The following SBNO2 variants were observed in gnomAD, a reference collection of about 807,000 sequenced individuals.
SBNO2 encodes strawberry notch homolog 2.
In SBNO2, 89 loss-of-function variants were observed where a neutral mutation model predicts 146.3. The observed-to-expected ratio is 0.61, with a 90% CI of 0.51 to 0.73. The LOEUF (loss-of-function observed/expected upper bound fraction) is 0.73, where lower values mean the gene tolerates loss of function less well. Ranked by LOEUF, SBNO2 falls within the 30% of genes least tolerant of loss-of-function variation. The pLI, the probability that SBNO2 is intolerant of heterozygous loss-of-function variation, is 0.00. For synonymous variants in SBNO2, 1,147 were observed against 892.6 expected, an observed-to-expected ratio of 1.29 and a Z score of -5.08; for missense variants, 2,092 against 2,003.7, an observed-to-expected ratio of 1.04 and a Z score of -0.84.
intron 5 of SBNO2, among the ~76,000 whole-genome samples, chr19:1,125,090 A>T (rs62131222): frequency 6.6e-6 from 1 of 151,642 alleles, no homozygotes; most frequent in Non-Finnish European, 1.5e-5. Flanking sequence ...AGTGGCTCAC[A>T]CCCGTAAATC....
intron 12 of SBNO2, 67 bp from the exon 13 acceptor site, chr19:1,119,688 T>G: frequency 7.2e-7 from 1 of 1,390,272 alleles, no homozygotes; most frequent in Non-Finnish European, 1.0e-6. Flanking sequence ...AGGGGACGAC[T>G]AAGTTGGGAC....
rs1264932126 is a variant in SBNO2 at position 1,157,616 on chromosome 19, C to T, written c.-126-3214G>A. The stretch of plus-strand genomic sequence containing the variant: ...GGTTCCCACCTTGGGAGGGGGCCCG[C>T]GCTTTATCAGCACGCTGACACCCAG... On this transcript the variant is annotated intron_variant, in intron 1 of 31. Coordinates refer to ENST00000361757, the MANE Select transcript of SBNO2 (RefSeq NM_014963.3). This position sits in a 1 kb window ranked among gnomAD's most constrained non-coding sequence, Gnocchi z 6.8. Among the ~76,000 whole-genome samples the T allele has an allele frequency of 6.6e-6, 1 of 152,166 alleles. No individual in the cohort carries two copies. The highest frequency in any genetic ancestry group is 6.5e-5 in the Admixed American group (1 of 15,270).
At chr19:1,127,276 G>A (rs2079975952) in intron 5 of SBNO2, among the ~76,000 whole-genome samples, 1 of 152,208 alleles carries the variant, frequency 6.6e-6, no homozygotes. Flanking sequence ...GGGTGCGGTG[G>A]ACACGGGGCA....
chr19:1,132,239 C>A (rs1365794042), intron 4 of SBNO2: 6 of 1,300,670 alleles, frequency 4.6e-6, no homozygotes, highest in Non-Finnish European at 5.9e-6. Context: ...CCGGGGCGGA[C>A]GGGGGCGGCT....
rs34903065 is a variant in SBNO2, at chr19:1,145,304, CAAAAAAA to C, written c.279+1998_279+2004del. 2.8e-4 allele frequency among the ~76,000 whole-genome samples: 29 copies of C among 102,814 alleles called. 1 individual carries two copies. The highest frequency in any genetic ancestry group is 1.5e-3 in the South Asian group (5 of 3,288). The allele number at this position is 102,814 out of a possible 152,430, so 67.4% of individuals were successfully genotyped here. A position where few individuals can be genotyped will look rare whatever the true frequency, so the allele number is the denominator to read the frequency against. On this transcript the variant is annotated intron_variant, in intron 4 of 31. Coordinates refer to ENST00000361757, the MANE Select transcript of SBNO2 (RefSeq NM_014963.3). ...CAACATGGAGAAACCCTGTCTCTACCAAAAAAAAAAAAAAAAAAATTAGCCAGGCATG... is the reference window on the plus strand; with the variant it reads ...CAACATGGAGAAACCCTGTCTCTACCAAAAAAAAAAAATTAGCCAGGCATG...
chr19:1,127,841 G>T, intron 4 of SBNO2, 76 bp from the exon 5 acceptor site: 1 of 1,409,660 alleles, frequency 7.1e-7, no homozygotes, highest in Non-Finnish European at 9.9e-7. Context: ...AGCACGTGGG[G>T]ATGGGAGACA....
rs751075868 is a variant in SBNO2, at chr19:1,108,464, G to A, written c.3857C>T (p.Pro1286Leu). ...FPAPLSLDAGPGVVPLGTPDA... is the reference protein window; with the variant it reads ...FPAPLSLDAGLGVVPLGTPDA... ...GGGGGTGCCCAGCGGCACGACGCCGGGGCCGGCGTCCAGGGACAGCGGCGC... is the reference window on the plus strand; with the variant it reads ...GGGGGTGCCCAGCGGCACGACGCCGAGGCCGGCGTCCAGGGACAGCGGCGC... Residue 1286 changes from proline (P) to leucine (L), a missense_variant, in exon 32 of 32, where the codon CCC becomes CTC. Pro to Leu is a moderately conservative substitution (Grantham distance 98, BLOSUM62 -3). Coordinates refer to ENST00000361757, the MANE Select transcript of SBNO2 (RefSeq NM_014963.3). The A allele has an allele frequency of 2.0e-4, 250 of 1,228,522 alleles. No individual in the cohort carries two copies. Among genetic ancestry groups the A allele is most frequent in the Non-Finnish European group, 2.5e-4 (241 of 981,166 alleles). The allele number at this position is 1,228,522 out of a possible 1,614,324, so 76.1% of individuals were successfully genotyped here.
At chr19:1,147,947 C>T (rs1158204523) in intron 3 of SBNO2, among the ~76,000 whole-genome samples, 1 of 152,182 alleles carries the variant, frequency 6.6e-6, no homozygotes, top group Non-Finnish European at 1.5e-5. Flanking sequence ...CTGGGGGCCC[C>T]CCGCCCAGGG....
rs2080172489 is a variant in SBNO2, at chr19:1,144,817, CAG to C, written c.279+2490_279+2491del. ...AGAGAGGGAGACAGAGAGACAGAGA[CAG>C]AGAGGGAGACAGAGAGACAGGGGCA... On this transcript the variant is annotated intron_variant, in intron 4 of 31. Coordinates refer to ENST00000361757, the MANE Select transcript of SBNO2 (RefSeq NM_014963.3). This position sits in a 1 kb window ranked among gnomAD's most constrained non-coding sequence, Gnocchi z 4.1. 5.3e-5 allele frequency among the ~76,000 whole-genome samples: 7 copies of C among 132,568 alleles called. No homozygotes were observed. Among genetic ancestry groups the C allele is most frequent in the Admixed American group, 3.7e-4 (5 of 13,472 alleles). The allele number at this position is 132,568 out of a possible 152,430, so 87.0% of individuals were successfully genotyped here.
At position 1,147,356 on chromosome 19, in the gene SBNO2, C is replaced by A; in HGVS notation, c.232G>T (p.Val78Leu). 1 of 1,475,982 alleles carries A rather than the reference C, an allele frequency of 6.8e-7. No individual in the cohort carries two copies. Among genetic ancestry groups the A allele is most frequent in the Non-Finnish European group, 9.0e-7 (1 of 1,111,068 alleles). The allele number at this position is 1,475,982 out of a possible 1,614,324, so 91.4% of individuals were successfully genotyped here. The part of the protein sequence containing the change: ...QPCPDTSYAP[V>L]ATASSLPPKT... The stretch of plus-strand genomic sequence containing the variant: ...GGTGGCAAGCTGGAGGCGGTGGCCA[C>A]GGGGGCATAGCTGGTGTCTGGGCAG... Residue 78 changes from valine to leucine, a missense_variant, in exon 4 of 32, where the codon GTG becomes TTG. Val to Leu is a conservative substitution (Grantham distance 32). Transcript: ENST00000361757.
chr19:1,108,743 G>A, intron 31 of SBNO2, 36 bp downstream of exon 31: 1 of 1,588,986 alleles, frequency 6.3e-7, no homozygotes, highest in Non-Finnish European at 8.5e-7. Flanking sequence ...GGCGCTGGGG[G>A]CTCGGGCCTT....
Position 1,157,289 on chromosome 19 carries a change from G to A in SBNO2, c.-126-2887C>T, listed in dbSNP as rs560816446. ...GATAAACCCTAGTGGGACACTGGGT[G>A]GGGTCTTGGGGCCTGAGAACACCCC... On this transcript the variant is annotated intron_variant, in intron 1 of 31. Coordinates refer to ENST00000361757, the MANE Select transcript of SBNO2 (RefSeq NM_014963.3). The surrounding 1 kb of genome is among the most constrained non-coding windows in gnomAD (Gnocchi z 6.8). Among the ~76,000 whole-genome samples, 1 of 151,980 alleles carries A rather than the reference G, an allele frequency of 6.6e-6. No homozygotes were observed. Among genetic ancestry groups the A allele is most frequent in the South Asian group, 2.1e-4 (1 of 4,812 alleles).
rs1054018684 is a variant in SBNO2, at chr19:1,165,034, G to A, written c.-127+9138C>T. On this transcript the variant is annotated intron_variant, in intron 1 of 31. Coordinates refer to ENST00000361757, the MANE Select transcript of SBNO2 (RefSeq NM_014963.3). ...GGGTCTTCCACAGGGTGTGCCCGGA[G>A]GAGGTCAAGACTCCACTGCCCTGAA... Among the ~76,000 whole-genome samples the A allele has an allele frequency of 5.9e-5, 9 of 151,910 alleles. 1 individual carries two copies. Among genetic ancestry groups the A allele is most frequent in the Non-Finnish European group, 8.8e-5 (6 of 67,908 alleles).
intron 4 of SBNO2, among the ~76,000 whole-genome samples, chr19:1,135,238 T>C (rs1333749649): frequency 2.0e-5 from 3 of 151,842 alleles, no homozygotes; most frequent in African/African-American, 4.8e-5. Flanking sequence ...GGCGGGCACC[T>C]GTGGTCCCAG....
chr19:1,162,414 C>T (rs1436319935), intron 1 of SBNO2, among the ~76,000 whole-genome samples: 1 of 149,802 alleles, frequency 6.7e-6, no homozygotes, highest in Non-Finnish European at 1.5e-5. Context: ...GAGCCGAGAT[C>T]GGGCCACTGC....
At chr19:1,167,576 CT>C (rs748391361) in intron 1 of SBNO2, among the ~76,000 whole-genome samples, 128 of 152,252 alleles carry the variant, frequency 8.4e-4, no homozygotes, top group Non-Finnish European at 2.8e-4. Flanking sequence ...CCCTCTTAGG[CT>C]TCTGACCTGA....
rs1006452534 is a variant in SBNO2 at position 1,130,393 on chromosome 19, G to A, written c.280-2628C>T. ...GCTCACGTCTGCTACTCAGGAGGCT[G>A]AGGCAGGAGGATCCGTTGAGCCCAG... On this transcript the variant is annotated intron_variant, in intron 4 of 31. Coordinates refer to ENST00000361757, the MANE Select transcript of SBNO2 (RefSeq NM_014963.3). Among the ~76,000 whole-genome samples the A allele has an allele frequency of 4.6e-5, 7 of 152,302 alleles. No homozygotes were observed. The East Asian group carries it at 7.7e-4, about 17-fold the overall frequency.
Position 1,108,769 on chromosome 19 carries a change from G to A in SBNO2, c.3616+10C>T. Reference sequence around the variant, plus strand: ...CTCGGGCCTTCCCGGGGCGCCCGCCGCCCACTCACCCACTTGCTTCTTCCT... The same window carrying A: ...CTCGGGCCTTCCCGGGGCGCCCGCCACCCACTCACCCACTTGCTTCTTCCT... On this transcript the variant is annotated intron_variant, in intron 31 of 31. Transcript: ENST00000361757. 2 of 1,599,952 alleles carry A rather than the reference G, an allele frequency of 1.3e-6. No homozygotes were observed. Among genetic ancestry groups the A allele is most frequent in the Non-Finnish European group, 1.7e-6 (2 of 1,178,234 alleles).
chr19:1,119,768 C>G lies in SBNO2; in HGVS notation c.1267+138G>C, dbSNP rs575161300. 1.3e-5 allele frequency: 12 copies of G among 941,038 alleles called. No homozygotes were observed. The African/African-American group carries it at 2.0e-4, about 15-fold the overall frequency. 58.3% of individuals were successfully genotyped at this position (941,038 alleles called of 1,614,324 possible). ...AGAGCCAGCGTGGCCTTGGGACAGG[C>G]GCAGAGGTGCCCCAGTGTCCGAGGA... On this transcript the variant is annotated intron_variant, in intron 12 of 31. Transcript: ENST00000361757.
Sources: gnomAD v4.1 joint callset for allele counts (sites outside exome capture counted in the v4.1 genomes callset) on GRCh38, gnomAD v4.1.1 for gene constraint, Gnocchi (gnomAD v3.1) non-coding constraint, MANE v1.5 for transcripts, NCBI Gene and HGNC (gene_info 2026-07-23, HGNC 2026-07-21) for gene names.